The following MINK1 variants were observed in gnomAD, a reference collection of about 807,000 sequenced individuals.
The protein encoded by MINK1 is misshapen-like kinase 1.
Under a neutral mutation model 178.4 loss-of-function variants are expected in MINK1, and 46 were observed. The observed-to-expected ratio is 0.26, with a 90% CI of 0.20 to 0.33. The LOEUF (loss-of-function observed/expected upper bound fraction) is 0.33. MINK1 is among the 10% of genes least tolerant of loss of function. The probability of loss-of-function intolerance (pLI) is 1.00; values close to 1 mark genes in which losing one functional copy is unlikely to be tolerated. For synonymous variants in MINK1, 797 were observed against 709.7 expected (o/e 1.12, Z -1.96); for missense variants, 1,366 against 1,814.9 (o/e 0.75, Z 4.49).
chr17:4,860,260 T>C (rs1913955968), intron 1 of MINK1, among the ~76,000 whole-genome samples: 1 of 152,190 alleles, frequency 6.6e-6, no homozygotes. Context: ...TCCACCTCTT[T>C]CATTCTGGAT....
Position 4,833,448 on chromosome 17 carries a change from C to T in MINK1, c.-136C>T. The T allele has an allele frequency of 1.5e-6, 1 of 660,008 alleles. No homozygotes were observed. The highest frequency in any genetic ancestry group is 2.5e-6 in the Non-Finnish European group (1 of 405,644). The allele number at this position is 660,008 out of a possible 1,614,324, so 40.9% of individuals were successfully genotyped here. ...GGGTCGGTCCTCGCGCCGGCCCTCC[C>T]CCTCCCCGGTCTCCGGGGGAGGCGC... On this transcript the variant is annotated 5_prime_UTR_variant, in exon 1 of 32. Coordinates refer to ENST00000355280, the MANE Select transcript of MINK1 (RefSeq NM_153827.5). The surrounding 1 kb of genome is among the most constrained non-coding windows in gnomAD (Gnocchi z 4.8).
chr17:4,885,341 G>A lies in MINK1; in HGVS notation c.509-142G>A, dbSNP rs1968106394. 9.3e-7 allele frequency: 1 copy of A among 1,070,050 alleles called. No individual in the cohort carries two copies. Among genetic ancestry groups the A allele is most frequent in the Admixed American group, 2.4e-5 (1 of 41,378 alleles). 66.3% of individuals were successfully genotyped at this position (1,070,050 alleles called of 1,614,324 possible). On this transcript the variant is annotated intron_variant, in intron 6 of 31. Transcript: ENST00000355280. The surrounding 1 kb of genome is among the most constrained non-coding windows in gnomAD (Gnocchi z 5.0). ...GAATCGGGTTCTTCAGGATGGTGGT[G>A]GGGTAAAGGAGGGTGCTGGGGTGTC...
chr17:4,856,392 TCA>T (rs1913144441), intron 1 of MINK1, among the ~76,000 whole-genome samples: 1 of 152,094 alleles, frequency 6.6e-6, no homozygotes, highest in Admixed American at 6.5e-5. Context: ...TGTCTCCAGC[TCA>T]CACACCCACT....
Position 4,893,100 on chromosome 17 carries a change from C to T in MINK1, c.2400+33C>T, listed in dbSNP as rs775886507. ...ACCTGGTGGCAGGCATGGCCTGCCT[C>T]ATCCTGGTTTGGGGCTTAGCCTCAG... On this transcript the variant is annotated intron_variant, in intron 20 of 31. Transcript: ENST00000355280. 17 of 1,551,346 alleles carry T rather than the reference C, an allele frequency of 1.1e-5. No individual in the cohort carries two copies. In the South Asian group the frequency reaches 1.7e-4, roughly 15 times the overall value.
At chr17:4,867,138 G>GTTTTTT (rs759995957) in intron 1 of MINK1, among the ~76,000 whole-genome samples, 1 of 64,914 alleles carries the variant, frequency 1.5e-5, no homozygotes, top group African/African-American at 6.5e-5. Flanking sequence ...TCTTAGGACT[G>GTTTTTT]TTTTTTTTTT....
rs1443364131 is a variant in MINK1 at position 4,884,350 on chromosome 17, C to T, written c.307-13C>T. Reference sequence around the variant, plus strand: ...CTGATACTTTTCCTTTCGGTACCTTCCTGGGATCCTAGCTGGTGATGGAGT... The same window carrying T: ...CTGATACTTTTCCTTTCGGTACCTTTCTGGGATCCTAGCTGGTGATGGAGT... On this transcript the variant is annotated splice_polypyrimidine_tract_variant and intron_variant, in intron 4 of 31. Transcript: ENST00000355280. 1.6e-5 allele frequency: 25 copies of T among 1,611,344 alleles called. No homozygotes were observed. The highest frequency in any genetic ancestry group is 2.1e-5 in the Non-Finnish European group (25 of 1,177,682).
intron 21 of MINK1, 57 bp downstream of exon 21, chr17:4,893,654 G>A (rs1358999996): frequency 4.7e-6 from 7 of 1,490,728 alleles, no homozygotes; most frequent in South Asian, 4.1e-5. Context: ...GAGGGGAAGT[G>A]GCAGTGGGGA....
In MINK1 at chr17:4,896,477, G is replaced by C. The variant is rs369985962; in HGVS notation, c.3664G>C (p.Asp1222His). 5 of 1,613,762 alleles carry C rather than the reference G, an allele frequency of 3.1e-6. No individual in the cohort carries two copies. The highest frequency in any genetic ancestry group is 1.1e-5 in the South Asian group (1 of 91,086). The change falls in exon 30 of 32, where the codon GAC (aspartate) becomes CAC (histidine). Residue 1222 changes from aspartate to histidine, a missense_variant. By Grantham distance (81) the Asp-to-His change is moderately conservative. This residue lies in a region of MINK1 where 201 missense variants were observed against 240.7 expected (regional missense o/e 0.84). Transcript: ENST00000355280. The surrounding 1 kb of genome is among the most constrained non-coding windows in gnomAD (Gnocchi z 4.6). ...TGCCATCATCTTCCTCCCCAACACC[G>C]ACGGCATGGAGATGCTGCTGTGCTA... is the stretch of plus-strand genomic sequence containing the variant. ...PHAIIFLPNT[D>H]GMEMLLCYED... is the part of the protein sequence containing the mutation.
intron 1 of MINK1, chr17:4,834,783 G>C (rs767165934): frequency 1.9e-6 from 1 of 520,048 alleles, no homozygotes; most frequent in South Asian, 1.4e-5. Context: ...CTCTAGGTTC[G>C]CTTCTCTGGA....
chr17:4,839,736 G>C (rs1909893830), intron 1 of MINK1, among the ~76,000 whole-genome samples: 1 of 152,158 alleles, frequency 6.6e-6, no homozygotes. Flanking sequence ...AAAGGGAGGA[G>C]AGAAAAGAGG....
In MINK1 at chr17:4,836,856, A is replaced by G. The variant is rs1909374425; in HGVS notation, c.57+3216A>G. Among the ~76,000 whole-genome samples, 1 of 152,056 alleles carries G rather than the reference A, an allele frequency of 6.6e-6. No homozygotes were observed. Among genetic ancestry groups the G allele is most frequent in the Non-Finnish European group, 1.5e-5 (1 of 68,014 alleles). ...CTCATAGTATTTATCACCAGCTGACATATATATTCCTGTCAGCCCCACTAA... is the reference window on the plus strand; with the variant it reads ...CTCATAGTATTTATCACCAGCTGACGTATATATTCCTGTCAGCCCCACTAA... On this transcript the variant is annotated intron_variant, in intron 1 of 31. Transcript: ENST00000355280. The surrounding 1 kb of genome is among the most constrained non-coding windows in gnomAD (Gnocchi z 4.3).
intron 16 of MINK1, among the ~76,000 whole-genome samples, 165 bp from the exon 17 acceptor site, chr17:4,891,984 C>T (rs1968867512): frequency 1.3e-5 from 2 of 152,134 alleles, no homozygotes; most frequent in South Asian, 4.1e-4. Context: ...ACCGCAGCTC[C>T]ACCATCATCC....
chr17:4,833,757 T>A lies in MINK1; in HGVS notation c.57+117T>A. Reference sequence around the variant, plus strand: ...GCCCCCTCCACCAGCTTGGGTCCCCTTGGCGACCCGTGCCCCTTTCCCGGA... The same window carrying A: ...GCCCCCTCCACCAGCTTGGGTCCCCATGGCGACCCGTGCCCCTTTCCCGGA... On this transcript the variant is annotated intron_variant, in intron 1 of 31. Coordinates refer to ENST00000355280, the MANE Select transcript of MINK1 (RefSeq NM_153827.5). The surrounding 1 kb of genome is among the most constrained non-coding windows in gnomAD (Gnocchi z 4.8). 1 of 809,554 alleles carries A rather than the reference T, an allele frequency of 1.2e-6. No individual in the cohort carries two copies. Among genetic ancestry groups the A allele is most frequent in the Non-Finnish European group, 1.8e-6 (1 of 556,750 alleles). 50.1% of individuals were successfully genotyped at this position (809,554 alleles called of 1,614,324 possible). A position where few individuals can be genotyped will look rare whatever the true frequency, so the allele number is the denominator to read the frequency against.
At chr17:4,882,072 T>TAA (rs1673578725) in intron 4 of MINK1, among the ~76,000 whole-genome samples, 1 of 152,242 alleles carries the variant, frequency 6.6e-6, no homozygotes, top group Non-Finnish European at 1.5e-5. Flanking sequence ...CACACACTCA[T>TAA]GCACACAAAG....
chr17:4,860,196 A>C (rs1355596738), intron 1 of MINK1, among the ~76,000 whole-genome samples: 2 of 152,202 alleles, frequency 1.3e-5, no homozygotes, highest in African/African-American at 4.8e-5. Context: ...GGCCACTTCC[A>C]AGAAATGTGA....
chr17:4,896,461 C>A lies in MINK1; in HGVS notation c.3648C>A (p.Ile1216=). 6.2e-7 allele frequency: 1 copy of A among 1,613,962 alleles called. No homozygotes were observed. Among genetic ancestry groups the A allele is most frequent in the Non-Finnish European group, 8.5e-7 (1 of 1,179,866 alleles). The change falls in exon 30 of 32, where the codon ATC becomes ATA. Residue 1216 remains isoleucine, a synonymous_variant. Transcript: ENST00000355280. The surrounding 1 kb of genome is among the most constrained non-coding windows in gnomAD (Gnocchi z 4.6). ...IQSQITPHAI[I]FLPNTDGMEM... ...GCCAGATCACGCCCCATGCCATCATCTTCCTCCCCAACACCGACGGCATGG... is the reference window on the plus strand; with the variant it reads ...GCCAGATCACGCCCCATGCCATCATATTCCTCCCCAACACCGACGGCATGG...
At chr17:4,851,930 G>A (rs1402436609) in intron 1 of MINK1, among the ~76,000 whole-genome samples, 1 of 148,924 alleles carries the variant, frequency 6.7e-6, no homozygotes, top group East Asian at 2.0e-4. Flanking sequence ...AATCGGGGAG[G>A]CAGAGGATGC....
At chr17:4,848,609 C>T (rs1911419925) in intron 1 of MINK1, among the ~76,000 whole-genome samples, 1 of 152,202 alleles carries the variant, frequency 6.6e-6, no homozygotes, top group Non-Finnish European at 1.5e-5. Flanking sequence ...ATCCGCCTGC[C>T]TCGGCCTCCC....
chr17:4,897,086 T>G, intron 31 of MINK1, 118 bp from the exon 32 acceptor site: 1 of 939,542 alleles, frequency 1.1e-6, no homozygotes, highest in Non-Finnish European at 1.7e-6. Flanking sequence ...AGTCTCCTCC[T>G]GCAGTCTCTG....
Sources: allele counts gnomAD v4.1 joint callset (sites outside exome capture counted in the v4.1 genomes callset), GRCh38; gene constraint gnomAD v4.1.1; regional missense constraint gnomAD v4.1.1; non-coding constraint Gnocchi (gnomAD v3.1); transcripts MANE v1.5; gene names NCBI Gene and HGNC (gene_info 2026-07-23, HGNC 2026-07-21).